Variants in STIM1 observed in about 807,000 individuals in gnomAD.
STIM1 encodes the protein stromal interaction molecule 1.
A neutral mutation model predicts 74.7 loss-of-function variants in STIM1; 25 were observed. The ratio of observed to expected loss-of-function variants is 0.33; its 90% confidence interval spans 0.24 to 0.47. The LOEUF (loss-of-function observed/expected upper bound fraction) is 0.47, where lower values mean the gene tolerates loss of function less well. Ranked by LOEUF, STIM1 falls within the 20% of genes least tolerant of loss-of-function variation. The probability of loss-of-function intolerance (pLI) is 1.00; values close to 1 mark genes in which losing one functional copy is unlikely to be tolerated. For synonymous variants in STIM1, 328 were observed against 348.8 expected (o/e 0.94, Z 0.66); for missense variants, 728 against 920.8 (o/e 0.79, Z 2.71).
chr11:3,929,843 C>G (rs2092836029), intron 1 of STIM1, among the ~76,000 whole-genome samples: 1 of 152,216 alleles, frequency 6.6e-6, no homozygotes, highest in African/African-American at 2.4e-5. Context: ...ACCAAGTTTA[C>G]AGACAACAGT....
At chr11:4,089,056 A>C in intron 12 of STIM1, 1 of 291,114 alleles carries the variant, frequency 3.4e-6, no homozygotes, top group Non-Finnish European at 6.8e-6. Flanking sequence ...ACAAAGTGAG[A>C]CCCTGTCTCT....
chr11:4,035,082 G>A (rs1025642127), intron 3 of STIM1, among the ~76,000 whole-genome samples: 12 of 151,866 alleles, frequency 7.9e-5, no homozygotes, highest in African/African-American at 1.2e-4. Context: ...TTTCCACTTT[G>A]ATCTGTATTA....
chr11:3,863,145 C>T (rs60901656), intron 1 of STIM1, among the ~76,000 whole-genome samples: 4,243 of 151,746 alleles, frequency 0.028, 177 homozygotes, highest in African/African-American at 0.094. Flanking sequence ...CCACCTGTCT[C>T]AGCCTCCCAA....
chr11:3,915,856 G>A (rs1051662868), intron 1 of STIM1, among the ~76,000 whole-genome samples: 17 of 152,178 alleles, frequency 1.1e-4, no homozygotes, highest in Admixed American at 7.2e-4. Flanking sequence ...AGGAGTTTGG[G>A]ACCAGCCTGG....
At chr11:3,895,728 TTCTTTCTTTTTCTTTCTTCCTTC>T (rs2092112173) in intron 1 of STIM1, among the ~76,000 whole-genome samples, 1 of 39,792 alleles carries the variant, frequency 2.5e-5, no homozygotes, top group African/African-American at 1.7e-4. Context: ...CTTTCTTTCT[TTCTTTCTTTTTCTTTCTTCCTTC>T]CTTCCTTCCT....
chr11:4,032,620 A>G (rs117503162), intron 3 of STIM1, among the ~76,000 whole-genome samples: 1 of 152,194 alleles, frequency 6.6e-6, no homozygotes, highest in Non-Finnish European at 1.5e-5. Context: ...TGACATCTTC[A>G]AAATACTGAT....
At chr11:4,066,753 G>C (rs769267808) in intron 5 of STIM1, among the ~76,000 whole-genome samples, 7 of 152,198 alleles carry the variant, frequency 4.6e-5, no homozygotes, top group Non-Finnish European at 8.8e-5. Context: ...ATGTTTACCT[G>C]TCCAAAGAAT....
intron 1 of STIM1, among the ~76,000 whole-genome samples, chr11:3,918,000 T>C (rs554748683): frequency 6.6e-6 from 1 of 152,316 alleles, no homozygotes; most frequent in South Asian, 2.1e-4. Flanking sequence ...CAGACAGACT[T>C]AACCAAGAGA....
chr11:3,911,316 A>T (rs2092558800), intron 1 of STIM1, among the ~76,000 whole-genome samples: 1 of 152,110 alleles, frequency 6.6e-6, no homozygotes, highest in African/African-American at 2.4e-5. Flanking sequence ...GCATTCTATG[A>T]TCTGGGTTCT....
At chr11:3,857,616 T>G (rs192504168) in intron 1 of STIM1, among the ~76,000 whole-genome samples, 434 of 152,084 alleles carry the variant, frequency 2.9e-3, no homozygotes, top group Non-Finnish European at 4.7e-3. Context: ...GGCTGTGATC[T>G]GCCCAAAGCT....
chr11:4,082,393 C>T (rs1200329864), intron 8 of STIM1, 42 bp downstream of exon 8: 1 of 1,565,242 alleles, frequency 6.4e-7, no homozygotes, highest in Admixed American at 1.9e-5. Flanking sequence ...TCCTTTTTGC[C>T]CTTCTCCTTT....
rs1313228776 is a variant in STIM1, at chr11:4,004,786, A to G, written c.271-19087A>G. 3.3e-5 allele frequency among the ~76,000 whole-genome samples: 5 copies of G among 152,316 alleles called. No homozygotes were observed. In the East Asian group the frequency reaches 7.7e-4, roughly 24 times the overall value. On this transcript the variant is annotated intron_variant, in intron 2 of 12. Coordinates refer to ENST00000526596, the MANE Select transcript of STIM1 (RefSeq NM_001382567.1). ...CTGCACAGCAAAAGAAACTACCATC[A>G]GAGTGAACAGGCAACTGACAAAATG...
intron 7 of STIM1, among the ~76,000 whole-genome samples, chr11:4,081,372 A>G (rs922115057): frequency 2.0e-4 from 31 of 152,222 alleles, no homozygotes; most frequent in African/African-American, 7.2e-4. Flanking sequence ...TTCTACTTAT[A>G]CATTGGTCCT....
chr11:3,856,406 G>T lies in STIM1; in HGVS notation c.136G>T (p.Ala46Ser). 6.2e-7 allele frequency: 1 copy of T among 1,613,966 alleles called. No individual in the cohort carries two copies. The highest frequency in any genetic ancestry group is 8.5e-7 in the Non-Finnish European group (1 of 1,179,964). Residue 46 changes from alanine (A) to serine (S), a missense_variant, in exon 1 of 13, where the codon GCA (alanine) becomes TCA (serine). This residue lies in a region of STIM1 where 62 missense variants were observed against 55.5 expected (regional missense o/e 1.12). Transcript: ENST00000526596. Reference sequence around the variant, plus strand: ...GGCCAACTCTGAGGAGTCCACTGCAGCAGGTAAGGCCTTGCTGCGGGCTGG... The same window carrying T: ...GGCCAACTCTGAGGAGTCCACTGCATCAGGTAAGGCCTTGCTGCGGGCTGG... ...SGANSEESTA[A>S]EFCRIDKPLC... is the part of the protein sequence containing the mutation.
Position 3,855,877 on chromosome 11 carries a change from T to G in STIM1, c.-394T>G. On this transcript the variant is annotated 5_prime_UTR_variant, in exon 1 of 13. Transcript: ENST00000526596. ...GGCAGGGCGAGGTCAGGTGCCCCCT[T>G]CTCGCCTCTCTTCTCTTCTCTTCTC... 9.1e-6 allele frequency: 2 copies of G among 219,590 alleles called. No homozygotes were observed. The highest frequency in any genetic ancestry group is 5.0e-5 in the South Asian group (1 of 20,134). The allele number at this position is 219,590 out of a possible 1,614,324, so 13.6% of individuals were successfully genotyped here.
At chr11:4,007,268 C>T (rs1003117634) in intron 2 of STIM1, among the ~76,000 whole-genome samples, 2 of 152,300 alleles carry the variant, frequency 1.3e-5, no homozygotes, top group East Asian at 3.9e-4. Context: ...TTAGGTATTC[C>T]TGAGAGAAGA....
intron 1 of STIM1, among the ~76,000 whole-genome samples, chr11:3,913,031 G>A (rs1262866864): frequency 6.6e-6 from 1 of 152,176 alleles, no homozygotes; most frequent in Non-Finnish European, 1.5e-5. Context: ...GAATGGCAAA[G>A]TCCCACTCTC....
chr11:4,025,673 A>G (rs747202622), intron 3 of STIM1, among the ~76,000 whole-genome samples: 1 of 152,218 alleles, frequency 6.6e-6, no homozygotes, highest in Non-Finnish European at 1.5e-5. Context: ...GAAAGCTCGC[A>G]TAGAAGTATC....
chr11:4,036,944 C>G (rs1360591659), intron 3 of STIM1, among the ~76,000 whole-genome samples: 1 of 152,194 alleles, frequency 6.6e-6, no homozygotes, highest in Non-Finnish European at 1.5e-5. Context: ...AACAGGCAAC[C>G]TACAGAGTGG....
Sources: allele counts gnomAD v4.1 joint callset (sites outside exome capture counted in the v4.1 genomes callset), GRCh38; gene constraint gnomAD v4.1.1; regional missense constraint gnomAD v4.1.1; transcripts MANE v1.5; gene names NCBI Gene and HGNC (gene_info 2026-07-23, HGNC 2026-07-21).